MALT1: variants seen among roughly 807,000 people sequenced by gnomAD.
MALT1 encodes the protein MALT1 paracaspase, also known as mucosa-associated lymphoid tissue lymphoma translocation protein 1.
A neutral mutation model predicts 85.5 loss-of-function variants in MALT1; 36 were observed. The observed-to-expected ratio is 0.42, with a 90% CI of 0.32 to 0.56. The LOEUF (loss-of-function observed/expected upper bound fraction) is 0.56, where lower values mean the gene tolerates loss of function less well. Among genes scored for constraint, MALT1 ranks in the 20% least tolerant of loss-of-function variants. The pLI, the probability that MALT1 is intolerant of heterozygous loss-of-function variation, is 0.10. For missense variants in MALT1, 716 were observed against 981.6 expected, an observed-to-expected ratio of 0.73 and a Z score of 3.62; for synonymous variants, 359 against 361.3, an observed-to-expected ratio of 0.99 and a Z score of 0.07.
intron 2 of MALT1, among the ~76,000 whole-genome samples, chr18:58,692,763 C>T (rs570054959): frequency 6.6e-6 from 1 of 152,278 alleles, no homozygotes; most frequent in East Asian, 1.9e-4. Flanking sequence ...AAAGCTAGGC[C>T]TCTTGTGCCA....
intron 4 of MALT1, among the ~76,000 whole-genome samples, chr18:58,708,514 A>G (rs373406690): frequency 1.3e-5 from 2 of 152,172 alleles, no homozygotes; most frequent in South Asian, 4.2e-4. Context: ...TTCCTTGTCA[A>G]CTCAGTTCTA....
intron 10 of MALT1, among the ~76,000 whole-genome samples, chr18:58,727,628 G>GTTTTTTTTTTTTTTTTTTTTTTT (rs74183292): frequency 6.9e-5 from 9 of 130,648 alleles, no homozygotes; most frequent in African/African-American, 2.4e-4. Flanking sequence ...TTTTTTTTTT[G>GTTTTTTTTTTTTTTTTTTTTTTT]TTTTTTTTTT....
chr18:58,693,507 C>T (rs1368013782), intron 2 of MALT1, among the ~76,000 whole-genome samples: 4 of 151,920 alleles, frequency 2.6e-5, no homozygotes, highest in African/African-American at 9.7e-5. Context: ...ATGAAACAGC[C>T]TTCTATTGGA....
intron 9 of MALT1, among the ~76,000 whole-genome samples, chr18:58,719,817 C>T (rs74428812): frequency 0.016 from 2,405 of 152,316 alleles, 23 homozygotes; most frequent in Non-Finnish European, 0.025. Flanking sequence ...GTTCCTCACC[C>T]ACACCATCAA....
At chr18:58,712,028 C>T (rs1194346298) in intron 7 of MALT1, among the ~76,000 whole-genome samples, 2 of 152,154 alleles carry the variant, frequency 1.3e-5, no homozygotes, top group Admixed American at 1.3e-4. Context: ...AAGCTAGCCC[C>T]GCTGTTTGGC....
At chr18:58,700,072 A>G (rs758488219) in intron 3 of MALT1, among the ~76,000 whole-genome samples, 1 of 152,206 alleles carries the variant, frequency 6.6e-6, no homozygotes, top group Non-Finnish European at 1.5e-5. Flanking sequence ...TGTTTTCTCT[A>G]TGCCGCTGTG....
At chr18:58,720,783 T>C (rs938152296) in intron 9 of MALT1, among the ~76,000 whole-genome samples, 4 of 152,194 alleles carry the variant, frequency 2.6e-5, no homozygotes, top group Non-Finnish European at 5.9e-5. Flanking sequence ...ATGATGTGTA[T>C]AATTAAATGA....
intron 3 of MALT1, among the ~76,000 whole-genome samples, chr18:58,699,144 TTTG>T (rs2144358584): frequency 6.6e-6 from 1 of 152,332 alleles, no homozygotes; most frequent in African/African-American, 2.4e-5. Flanking sequence ...CCAAGTAGCC[TTTG>T]TTAAGAGGAT....
intron 4 of MALT1, among the ~76,000 whole-genome samples, chr18:58,705,346 TAA>T (rs1373958379): frequency 1.3e-5 from 2 of 151,358 alleles, no homozygotes; most frequent in Non-Finnish European, 2.9e-5. Flanking sequence ...TATTATACTT[TAA>T]GTTTTAGGGT....
At chr18:58,706,086 C>T (rs982000415) in intron 4 of MALT1, among the ~76,000 whole-genome samples, 5 of 151,984 alleles carry the variant, frequency 3.3e-5, no homozygotes, top group East Asian at 1.9e-4. Context: ...CCTGAGTTCA[C>T]GCCATTCTCC....
At chr18:58,693,919 A>T (rs1006854327) in intron 2 of MALT1, among the ~76,000 whole-genome samples, 1 of 152,242 alleles carries the variant, frequency 6.6e-6, no homozygotes, top group African/African-American at 2.4e-5. Flanking sequence ...TTCCTGTCAC[A>T]TCGAAACTTG....
At chr18:58,738,570 G>C (rs1216355531) in intron 13 of MALT1, among the ~76,000 whole-genome samples, 1 of 145,504 alleles carries the variant, frequency 6.9e-6, no homozygotes, top group Non-Finnish European at 1.5e-5. Context: ...ATGCCAGACA[G>C]TTTTGTAAAG....
intron 1 of MALT1, among the ~76,000 whole-genome samples, chr18:58,679,885 C>G (rs1017740503): frequency 4.6e-5 from 7 of 152,080 alleles, no homozygotes; most frequent in African/African-American, 7.2e-5. Context: ...GGTTCTCTTT[C>G]TAAATATACT....
chr18:58,707,133 G>A (rs1385049587), intron 4 of MALT1, among the ~76,000 whole-genome samples: 4 of 151,616 alleles, frequency 2.6e-5, no homozygotes, highest in Admixed American at 6.6e-5. Context: ...TAAGCCCATC[G>A]AATGCACTGA....
chr18:58,741,142 C>G (rs913815506), intron 13 of MALT1, among the ~76,000 whole-genome samples: 1 of 152,126 alleles, frequency 6.6e-6, no homozygotes, highest in Non-Finnish European at 1.5e-5. Context: ...TCATGTCATT[C>G]TGCTTTGCTG....
intron 10 of MALT1, among the ~76,000 whole-genome samples, chr18:58,732,963 T>A (rs969448811): frequency 6.6e-6 from 1 of 151,648 alleles, no homozygotes; most frequent in African/African-American, 2.4e-5. Flanking sequence ...CAGGGTGGAG[T>A]ACAGTGGCAT....
chr18:58,681,488 A>G (rs1394250830), intron 2 of MALT1, 152 bp downstream of exon 2: 6 of 647,972 alleles, frequency 9.3e-6, no homozygotes, highest in Admixed American at 3.6e-5. Context: ...AGCAAATGCA[A>G]TGCATGAATA....
intron 1 of MALT1, among the ~76,000 whole-genome samples, chr18:58,673,318 A>G (rs960526184): frequency 1.3e-5 from 2 of 152,260 alleles, no homozygotes; most frequent in Non-Finnish European, 2.9e-5. Context: ...TTACAATAAC[A>G]TATTAAATGC....
Position 58,741,906 on chromosome 18 carries a change from G to T in MALT1, c.1645G>T (p.Glu549Ter). The T allele has an allele frequency of 6.4e-7, 1 of 1,562,810 alleles. No homozygotes were observed. The highest frequency in any genetic ancestry group is 8.8e-7 in the Non-Finnish European group (1 of 1,142,024). The change falls in exon 14 of 17, where the codon GAG (glutamate) becomes TAG (stop). Residue 549 changes from glutamate to a stop codon, truncating the protein, a stop_gained. Coordinates refer to ENST00000649217, the MANE Select transcript of MALT1 (RefSeq NM_006785.4). LOFTEE classifies it high-confidence loss of function. ...CHLTKGKQAL[E>*]IRSSLSEKRA... ...CCTTACCAAAGGCAAACAGGCTCTA[G>T]AGATTCGAAGTAGTTTATCTGAGAA...
Sources: gnomAD v4.1 joint callset for allele counts (sites outside exome capture counted in the v4.1 genomes callset) on GRCh38, gnomAD v4.1.1 for gene constraint, MANE v1.5 for transcripts, NCBI Gene and HGNC (gene_info 2026-07-23, HGNC 2026-07-21) for gene names.